Variants in PTBP3 observed in about 807,000 individuals in gnomAD.
PTBP3 encodes polypyrimidine tract binding protein 3.
Under a neutral mutation model 58.7 loss-of-function variants are expected in PTBP3, and 20 were observed. That is an observed-to-expected ratio of 0.34 (90% CI 0.24 to 0.50). PTBP3 has a LOEUF of 0.50. Among genes scored for constraint, PTBP3 ranks in the 20% least tolerant of loss-of-function variants. The pLI is 0.98. For synonymous variants in PTBP3, 185 were observed against 219.8 expected, an observed-to-expected ratio of 0.84 and a Z score of 1.40; for missense variants, 509 against 637.2, an observed-to-expected ratio of 0.80 and a Z score of 2.17.
At chr9:112,361,783 A>C in the PTBP3 span, among the ~76,000 whole-genome samples, 2 of 152,320 alleles carry the variant, frequency 1.3e-5, no homozygotes, top group South Asian at 4.1e-4. Context: ...ACATTCGGGA[A>C]CTAGCAAGTG....
At chr9:112,346,464 G>T in the PTBP3 span, among the ~76,000 whole-genome samples, 1 of 152,228 alleles carries the variant, frequency 6.6e-6, no homozygotes, top group African/African-American at 2.4e-5. Context: ...ACCACACCTG[G>T]CCGGCAAATA....
chr9:112,350,676 C>T, the PTBP3 span, among the ~76,000 whole-genome samples: 2 of 152,140 alleles, frequency 1.3e-5, no homozygotes, highest in Non-Finnish European at 1.5e-5. Flanking sequence ...TTCTCTCTCA[C>T]ACTCTGTCTC....
chr9:112,229,827 G>A (rs953974845), intron 10 of PTBP3, among the ~76,000 whole-genome samples: 2 of 152,170 alleles, frequency 1.3e-5, no homozygotes, highest in African/African-American at 4.8e-5. Context: ...CTCCCAAAGT[G>A]TTGGGATTAC....
At chr9:112,282,153 T>C (rs182715363) in intron 2 of PTBP3, among the ~76,000 whole-genome samples, 4 of 152,168 alleles carry the variant, frequency 2.6e-5, no homozygotes, top group Non-Finnish European at 4.4e-5. Flanking sequence ...TACCATCACA[T>C]AGCGAGTTAG....
chr9:112,247,903 T>C (rs1835951821), intron 7 of PTBP3, among the ~76,000 whole-genome samples: 1 of 152,104 alleles, frequency 6.6e-6, no homozygotes, highest in South Asian at 2.1e-4. Flanking sequence ...TACACACACA[T>C]GCATACACAA....
In PTBP3 at chr9:112,262,434, C is replaced by A; in HGVS notation, c.516+1G>T. 1 of 1,590,998 alleles carries A rather than the reference C, an allele frequency of 6.3e-7. No individual in the cohort carries two copies. The highest frequency in any genetic ancestry group is 8.5e-7 in the Non-Finnish European group (1 of 1,171,446). On this transcript the variant is annotated splice_donor_variant, in intron 5 of 13. Transcript: ENST00000374257. LOFTEE classifies it high-confidence loss of function. ...TCTTAAGGGTATTTATTCCTCCTTACCTGATGAAGAACTTCCAGGGTAACA... is the reference window on the plus strand; with the variant it reads ...TCTTAAGGGTATTTATTCCTCCTTAACTGATGAAGAACTTCCAGGGTAACA...
rs190735520 is a variant in PTBP3 at position 112,238,765 on chromosome 9, C to A, written c.803-3868G>T. Among the ~76,000 whole-genome samples the A allele has an allele frequency of 6.6e-5, 10 of 151,900 alleles. No homozygotes were observed. The East Asian group carries it at 1.9e-3, about 29-fold the overall frequency. ...ATACCACAGAATGGTATCTTTAATA[C>A]GCTGAAAGAAAAAATACCTGTCAAC... On this transcript the variant is annotated intron_variant, in intron 7 of 13. Coordinates refer to ENST00000374257, the MANE Select transcript of PTBP3 (RefSeq NM_001163788.4).
intron 5 of PTBP3, among the ~76,000 whole-genome samples, chr9:112,253,135 T>C (rs1836199384): frequency 6.6e-6 from 1 of 152,206 alleles, no homozygotes; most frequent in Non-Finnish European, 1.5e-5. Context: ...TGAAGAATCA[T>C]CTACTTTTTG....
chr9:112,373,599 T>C, the PTBP3 span, among the ~76,000 whole-genome samples: 3 of 152,210 alleles, frequency 2.0e-5, no homozygotes, highest in African/African-American at 4.8e-5. Context: ...CCTTGTCAAC[T>C]TGAACCCATA....
In PTBP3 at chr9:112,221,437, G is replaced by A; in HGVS notation, c.*2414C>T. 1 of 985,556 alleles carries A rather than the reference G, an allele frequency of 1.0e-6. No individual in the cohort carries two copies. The highest frequency in any genetic ancestry group is 1.2e-6 in the Non-Finnish European group (1 of 829,734). The allele number at this position is 985,556 out of a possible 1,614,324, so 61.1% of individuals were successfully genotyped here. ...CAACTTTGCTACACTTATGCTGAAT[G>A]TTATGAGAATCATGAATTAATAAAT... On this transcript the variant is annotated 3_prime_UTR_variant, in exon 14 of 14. Transcript: ENST00000374257.
At chr9:112,344,388 T>C in the PTBP3 span, among the ~76,000 whole-genome samples, 1 of 152,162 alleles carries the variant, frequency 6.6e-6, no homozygotes, top group Non-Finnish European at 1.5e-5. Flanking sequence ...CCATTAGTTA[T>C]CACAAGAACA....
chr9:112,239,704 C>A (rs919889710), intron 7 of PTBP3, among the ~76,000 whole-genome samples: 1 of 150,720 alleles, frequency 6.6e-6, no homozygotes. Context: ...GCACTCCAGC[C>A]TGGGTAACAG....
chr9:112,287,157 C>T (rs149120684), intron 2 of PTBP3, among the ~76,000 whole-genome samples: 1 of 147,506 alleles, frequency 6.8e-6, no homozygotes, highest in East Asian at 2.0e-4. Flanking sequence ...TTTCACTGAA[C>T]TTCTTGATAA....
At chr9:112,283,383 T>C (rs920237951) in intron 2 of PTBP3, among the ~76,000 whole-genome samples, 4 of 152,170 alleles carry the variant, frequency 2.6e-5, no homozygotes, top group African/African-American at 4.8e-5. Context: ...CAGGCTGAGG[T>C]AGTCTCAGAT....
intron 1 of PTBP3, among the ~76,000 whole-genome samples, chr9:112,329,527 T>C (rs976476957): frequency 6.6e-6 from 1 of 152,212 alleles, no homozygotes; most frequent in African/African-American, 2.4e-5. Flanking sequence ...TGTTTGCCTT[T>C]TAGACAGAAC....
At position 112,308,922 on chromosome 9, in the gene PTBP3, C is replaced by T. The variant is rs542321981; in HGVS notation, c.-51-11006G>A. ...CTCTCGCCTGCTGATGCATAATTCA[C>T]GGGGCTAACAAAGCAAAGAAATACT... is the stretch of plus-strand genomic sequence containing the variant. On this transcript the variant is annotated intron_variant, in intron 1 of 13. Coordinates refer to ENST00000374257, the MANE Select transcript of PTBP3 (RefSeq NM_001163788.4). Among the ~76,000 whole-genome samples the T allele has an allele frequency of 3.5e-4, 54 of 152,220 alleles. No homozygotes were observed. In the South Asian group the frequency reaches 5.0e-3, roughly 14 times the overall value.
At chr9:112,342,417 A>G in the PTBP3 span, among the ~76,000 whole-genome samples, 7 of 152,260 alleles carry the variant, frequency 4.6e-5, no homozygotes, top group African/African-American at 1.7e-4. Flanking sequence ...ACTCTATAAC[A>G]TATAATATAA....
At chr9:112,340,810 A>G in the PTBP3 span, among the ~76,000 whole-genome samples, 3 of 151,742 alleles carry the variant, frequency 2.0e-5, no homozygotes, top group Non-Finnish European at 4.4e-5. Context: ...CGGGAGGCGG[A>G]GGTTGCGGTG....
At chr9:112,226,566 A>T (rs1192513965) in intron 12 of PTBP3, among the ~76,000 whole-genome samples, 1 of 152,194 alleles carries the variant, frequency 6.6e-6, no homozygotes, top group African/African-American at 2.4e-5. Flanking sequence ...ATTTTTGTAG[A>T]CTAAGGACTT....
Sources: allele counts gnomAD v4.1 joint callset (sites outside exome capture counted in the v4.1 genomes callset), GRCh38; gene constraint gnomAD v4.1.1; transcripts MANE v1.5; gene names NCBI Gene and HGNC (gene_info 2026-07-23, HGNC 2026-07-21).